PRKAG2: variants seen among roughly 807,000 people sequenced by gnomAD.
PRKAG2 encodes the protein 5'-AMP-activated protein kinase subunit gamma-2.
A neutral mutation model predicts 69.6 loss-of-function variants in PRKAG2; 26 were observed. The observed-to-expected ratio is 0.37, with a 90% confidence interval of 0.27 to 0.52. PRKAG2 has a LOEUF of 0.52. PRKAG2 is among the 20% of genes least tolerant of loss of function. The pLI, the probability that PRKAG2 is intolerant of heterozygous loss-of-function variation, is 0.90. For synonymous variants in PRKAG2, 293 were observed against 285.0 expected, an observed-to-expected ratio of 1.03 and a Z score of -0.28; for missense variants, 557 against 740.0, an observed-to-expected ratio of 0.75 and a Z score of 2.87.
chr7:151,738,943 C>T (rs139668828), intron 3 of PRKAG2, among the ~76,000 whole-genome samples: 144 of 152,210 alleles, frequency 9.5e-4, no homozygotes, highest in African/African-American at 3.4e-3. Flanking sequence ...GGAAGGAGGG[C>T]CAAGGGAAGT....
At position 151,786,409 on chromosome 7, in the gene PRKAG2, T is replaced by G. The variant is rs1170154403; in HGVS notation, c.186+61A>C. ...CACACAGGTGGAAGTGGGCTCAGGC[T>G]CTGCCTGCCTCCGTGGCACCTCAAG... On this transcript the variant is annotated intron_variant, in intron 2 of 15. Transcript: ENST00000287878. 3 of 1,487,782 alleles carry G rather than the reference T, an allele frequency of 2.0e-6. No homozygotes were observed. The African/African-American group carries it at 4.1e-5, about 20-fold the overall frequency. The allele number at this position is 1,487,782 out of a possible 1,614,324, so 92.2% of individuals were successfully genotyped here.
chr7:151,871,160 T>C (rs560096201), intron 1 of PRKAG2, among the ~76,000 whole-genome samples: 10 of 152,362 alleles, frequency 6.6e-5, no homozygotes, highest in African/African-American at 2.4e-4. Context: ...CTATGGGGTC[T>C]ATGAACTTTA....
intron 2 of PRKAG2, among the ~76,000 whole-genome samples, chr7:151,782,371 G>GGGAGGGAGGGAAGGAAGGAA (rs1563663405): frequency 4.5e-5 from 1 of 21,990 alleles, no homozygotes; most frequent in African/African-American, 1.2e-4. Context: ...GAGGGAGGGA[G>GGGAGGGAGGGAAGGAAGGAA]GGAAGGAAAG....
chr7:151,603,150 G>C (rs1457040834), intron 5 of PRKAG2, among the ~76,000 whole-genome samples: 5,083 of 127,938 alleles, frequency 0.04, 280 homozygotes, highest in African/African-American at 0.14. Flanking sequence ...CACACGGAGG[G>C]ACACGCTCCG....
At chr7:151,559,284 A>C (rs1804417925) in intron 15 of PRKAG2, 19 of 981,368 alleles carry the variant, frequency 1.9e-5, no homozygotes, top group Non-Finnish European at 2.3e-5. Flanking sequence ...CAATTTATCC[A>C]TTCTTCTTTT....
chr7:151,854,414 C>T (rs1586726141), intron 1 of PRKAG2, among the ~76,000 whole-genome samples: 1 of 152,260 alleles, frequency 6.6e-6, no homozygotes, highest in Non-Finnish European at 1.5e-5. Flanking sequence ...AGCTCCTCCA[C>T]GCCATCAGGG....
chr7:151,632,553 C>A lies in PRKAG2; in HGVS notation c.685-415G>T. On this transcript the variant is annotated intron_variant, in intron 4 of 15. Transcript: ENST00000287878. The surrounding 1 kb of genome is among the most constrained non-coding windows in gnomAD (Gnocchi z 4.2). ...AGGCCCGCGGCCCGCCCCCACTCCGCCCCCCGGCGCCGCTCACCTTCCCAG... is the reference window on the plus strand; with the variant it reads ...AGGCCCGCGGCCCGCCCCCACTCCGACCCCCGGCGCCGCTCACCTTCCCAG... 5.1e-6 allele frequency: 5 copies of A among 982,578 alleles called. No homozygotes were observed. Among genetic ancestry groups the A allele is most frequent in the Non-Finnish European group, 6.0e-6 (5 of 827,702 alleles). The allele number at this position is 982,578 out of a possible 1,614,324, so 60.9% of individuals were successfully genotyped here. A position where few individuals can be genotyped will look rare whatever the true frequency, so the allele number is the denominator to read the frequency against.
intron 1 of PRKAG2, among the ~76,000 whole-genome samples, chr7:151,831,064 TAA>T (rs938925699): frequency 5.3e-5 from 8 of 152,014 alleles, no homozygotes; most frequent in African/African-American, 1.4e-4. Flanking sequence ...AGCTAGAACA[TAA>T]GAGAGACAAT....
intron 1 of PRKAG2, among the ~76,000 whole-genome samples, chr7:151,822,310 G>A (rs11763717): frequency 0.3 from 45,616 of 151,706 alleles, 7,476 homozygotes; most frequent in Middle Eastern, 0.39. Flanking sequence ...AAGGGCGGGG[G>A]GTGACTTTAC....
intron 1 of PRKAG2, among the ~76,000 whole-genome samples, chr7:151,851,413 G>C (rs566583200): frequency 6.6e-6 from 1 of 151,730 alleles, no homozygotes; most frequent in Non-Finnish European, 1.5e-5. Context: ...GAAACTGCCC[G>C]ATCCCCACCT....
intron 12 of PRKAG2, 98 bp from the exon 13 acceptor site, chr7:151,565,481 C>T: frequency 2.0e-6 from 2 of 1,000,610 alleles, no homozygotes; most frequent in South Asian, 1.6e-5. Flanking sequence ...AAGTTAAACA[C>T]TGATAAATAA....
chr7:151,673,491 G>A (rs1563395148), intron 4 of PRKAG2, among the ~76,000 whole-genome samples: 1 of 152,124 alleles, frequency 6.6e-6, no homozygotes, highest in Non-Finnish European at 1.5e-5. Flanking sequence ...CCCCTTTACT[G>A]AGCTGTTTTG....
At chr7:151,658,208 C>G (rs1829777464) in intron 4 of PRKAG2, among the ~76,000 whole-genome samples, 1 of 94,510 alleles carries the variant, frequency 1.1e-5, no homozygotes, top group Non-Finnish European at 2.3e-5. Context: ...AATAATAGGG[C>G]TGGGTGCAGT....
chr7:151,730,290 T>A (rs538716867), intron 3 of PRKAG2, among the ~76,000 whole-genome samples: 1 of 152,326 alleles, frequency 6.6e-6, no homozygotes, highest in African/African-American at 2.4e-5. Context: ...ACCCTGAGGA[T>A]GCAGGTGAGA....
chr7:151,792,406 A>C (rs533039969), intron 1 of PRKAG2, among the ~76,000 whole-genome samples: 22 of 152,352 alleles, frequency 1.4e-4, no homozygotes. Flanking sequence ...CCGGCCCGCT[A>C]CTTATCCCAA....
chr7:151,730,576 T>C (rs901504018), intron 3 of PRKAG2, among the ~76,000 whole-genome samples: 2 of 151,946 alleles, frequency 1.3e-5, no homozygotes, highest in East Asian at 1.9e-4. Flanking sequence ...TATTGGGAAA[T>C]TTCAGGGCAA....
chr7:151,708,997 A>ATGACACTGTG lies in PRKAG2; in HGVS notation c.467-33370_467-33361dup, dbSNP rs1358351826. Among the ~76,000 whole-genome samples the ATGACACTGTG allele has an allele frequency of 4.6e-5, 7 of 152,318 alleles. No homozygotes were observed. The South Asian group carries it at 1.0e-3, about 23-fold the overall frequency. ...ACCAGAAGCAGAGGGGCCGGAAACC[A>ATGACACTGTG]TGACACTGTGTGACACTGTGTGATG... is the stretch of plus-strand genomic sequence containing the variant. On this transcript the variant is annotated intron_variant, in intron 3 of 15. Transcript: ENST00000287878.
At chr7:151,720,943 G>A (rs182892591) in intron 3 of PRKAG2, among the ~76,000 whole-genome samples, 6 of 147,166 alleles carry the variant, frequency 4.1e-5, no homozygotes, top group African/African-American at 1.0e-4. Flanking sequence ...GGGATGGAGC[G>A]GGGTAATAAG....
At chr7:151,616,758 G>C (rs73479361) in intron 5 of PRKAG2, among the ~76,000 whole-genome samples, 2,366 of 152,334 alleles carry the variant, frequency 0.016, 57 homozygotes, top group African/African-American at 0.054. Flanking sequence ...CCTGAAAGAA[G>C]AAGTGTTTGA....
Sources: allele counts gnomAD v4.1 joint callset (sites outside exome capture counted in the v4.1 genomes callset), GRCh38; gene constraint gnomAD v4.1.1; non-coding constraint Gnocchi (gnomAD v3.1); transcripts MANE v1.5; gene names NCBI Gene and HGNC (gene_info 2026-07-23, HGNC 2026-07-21).